The following FARS2 variants were observed in gnomAD, a reference collection of about 807,000 sequenced individuals.
FARS2 encodes the protein phenylalanyl-tRNA synthetase 2, mitochondrial, also known as phenylalanine--tRNA ligase, mitochondrial.
Under a neutral mutation model 46.4 loss-of-function variants are expected in FARS2, and 40 were observed. The observed-to-expected ratio is 0.86, with a 90% CI of 0.67 to 1.12. The LOEUF (loss-of-function observed/expected upper bound fraction) is 1.12, where lower values mean the gene tolerates loss of function less well. Ranked by LOEUF, FARS2 falls within the 50% of genes most tolerant of loss-of-function variation. The pLI is 0.00. For missense variants in FARS2, 513 were observed against 567.9 expected (o/e 0.90, Z 0.98); for synonymous variants, 234 against 214.9 (o/e 1.09, Z -0.78).
chr6:5,751,786 G>A (rs1436723094), intron 6 of FARS2, among the ~76,000 whole-genome samples: 2 of 152,206 alleles, frequency 1.3e-5, no homozygotes, highest in Admixed American at 1.3e-4. Flanking sequence ...ATAAGCCAAT[G>A]AGATCACAAA....
chr6:5,625,996 G>A (rs960752947), intron 6 of FARS2, among the ~76,000 whole-genome samples: 4 of 152,136 alleles, frequency 2.6e-5, no homozygotes, highest in Non-Finnish European at 5.9e-5. Context: ...GTTTAATAGT[G>A]TACAGCTTCA....
chr6:5,508,419 T>C (rs373973031), intron 4 of FARS2, among the ~76,000 whole-genome samples: 3 of 152,216 alleles, frequency 2.0e-5, no homozygotes, highest in African/African-American at 7.2e-5. Flanking sequence ...AGAAACAAGC[T>C]CAAGTGAGTG....
intron 4 of FARS2, among the ~76,000 whole-genome samples, chr6:5,451,473 A>T (rs554478390): frequency 7.2e-5 from 11 of 152,198 alleles, no homozygotes; most frequent in Admixed American, 1.3e-4. Flanking sequence ...AGAATTGGGG[A>T]GCTGGGGCTC....
chr6:5,504,615 A>G (rs963923087), intron 4 of FARS2, among the ~76,000 whole-genome samples: 1 of 152,212 alleles, frequency 6.6e-6, no homozygotes, highest in African/African-American at 2.4e-5. Flanking sequence ...GGAAGAGACA[A>G]AAATTACTGA....
At chr6:5,444,122 TG>T (rs1763999602) in intron 4 of FARS2, among the ~76,000 whole-genome samples, 2 of 150,604 alleles carry the variant, frequency 1.3e-5, no homozygotes, top group African/African-American at 2.5e-5. Context: ...TGTGTGTGTG[TG>T]TGTATGTGTG....
At chr6:5,277,693 C>T (rs1766432883) in intron 1 of FARS2, among the ~76,000 whole-genome samples, 1 of 152,192 alleles carries the variant, frequency 6.6e-6, no homozygotes, top group Non-Finnish European at 1.5e-5. Flanking sequence ...ACAGTGAATA[C>T]ATTTAAGATT....
chr6:5,394,213 T>C (rs1760756032), intron 2 of FARS2, among the ~76,000 whole-genome samples: 1 of 152,214 alleles, frequency 6.6e-6, no homozygotes, highest in Non-Finnish European at 1.5e-5. Flanking sequence ...TTTTAGTATA[T>C]ATGCTGCTGA....
chr6:5,330,387 C>T (rs1001407830), intron 1 of FARS2, among the ~76,000 whole-genome samples: 1 of 152,156 alleles, frequency 6.6e-6, no homozygotes, highest in Non-Finnish European at 1.5e-5. Flanking sequence ...TGCTTCTGTG[C>T]TGGTGACATC....
chr6:5,485,540 G>T (rs1180994030), intron 4 of FARS2, among the ~76,000 whole-genome samples: 1 of 151,020 alleles, frequency 6.6e-6, no homozygotes, highest in Non-Finnish European at 1.5e-5. Flanking sequence ...TGACTGTGGG[G>T]CTAAGAGTAT....
chr6:5,544,841 A>G (rs1228938235), intron 4 of FARS2, among the ~76,000 whole-genome samples: 1 of 152,178 alleles, frequency 6.6e-6, no homozygotes, highest in South Asian at 2.1e-4. Context: ...ACCTATATTC[A>G]GTGGGCTAAA....
chr6:5,259,031 C>T (rs977283985), upstream of FARS2, among the ~76,000 whole-genome samples: 2 of 152,222 alleles, frequency 1.3e-5, no homozygotes, highest in African/African-American at 2.4e-5. Context: ...TCTAGTCCAA[C>T]AGTCTATTTC....
intron 1 of FARS2, among the ~76,000 whole-genome samples, chr6:5,342,099 T>G (rs975075282): frequency 6.6e-6 from 1 of 152,186 alleles, no homozygotes; most frequent in Non-Finnish European, 1.5e-5. Context: ...AGAAAGCAAG[T>G]TAAAGTTTAT....
chr6:5,357,255 G>C (rs989085365), intron 1 of FARS2, among the ~76,000 whole-genome samples: 12 of 152,156 alleles, frequency 7.9e-5, no homozygotes, highest in African/African-American at 2.9e-4. Context: ...TAAATAAATG[G>C]TATCTTTTCT....
At chr6:5,501,860 A>T (rs1767821355) in intron 4 of FARS2, among the ~76,000 whole-genome samples, 1 of 152,216 alleles carries the variant, frequency 6.6e-6, no homozygotes, top group African/African-American at 2.4e-5. Context: ...AATGGGCTTG[A>T]TAGACCTTTG....
intron 6 of FARS2, among the ~76,000 whole-genome samples, chr6:5,637,406 A>G (rs1279747359): frequency 6.6e-6 from 1 of 152,210 alleles, no homozygotes; most frequent in Non-Finnish European, 1.5e-5. Context: ...CACCACACCC[A>G]TGACCCGTGC....
intron 5 of FARS2, among the ~76,000 whole-genome samples, chr6:5,611,596 T>A (rs1467255002): frequency 6.6e-6 from 1 of 152,244 alleles, no homozygotes; most frequent in African/African-American, 2.4e-5. Context: ...TCTTTTCCGT[T>A]AAACCATTAA....
intron 6 of FARS2, among the ~76,000 whole-genome samples, chr6:5,730,875 G>A (rs1760576732): frequency 6.6e-6 from 1 of 152,136 alleles, no homozygotes; most frequent in Non-Finnish European, 1.5e-5. Flanking sequence ...AATCCTTTCA[G>A]CCCTAGATGG....
intron 4 of FARS2, among the ~76,000 whole-genome samples, chr6:5,534,404 G>A (rs534502195): frequency 3.3e-5 from 5 of 152,166 alleles, no homozygotes; most frequent in South Asian, 2.1e-4. Flanking sequence ...TCGCTTCCAC[G>A]AGAAACTCTG....
chr6:5,615,997 A>T (rs1775450008), intron 6 of FARS2, among the ~76,000 whole-genome samples: 1 of 143,770 alleles, frequency 7.0e-6, no homozygotes, highest in South Asian at 2.3e-4. Flanking sequence ...TTCAGATTGT[A>T]ACCCATAGCT....
Sources: gnomAD v4.1 joint callset for allele counts (sites outside exome capture counted in the v4.1 genomes callset) on GRCh38, gnomAD v4.1.1 for gene constraint, MANE v1.5 for transcripts, NCBI Gene and HGNC (gene_info 2026-07-23, HGNC 2026-07-21) for gene names.